BAG4: variants seen among roughly 807,000 people sequenced by gnomAD.
The protein encoded by BAG4 is BAG cochaperone 4.
In BAG4, 28 loss-of-function variants were observed where a neutral mutation model predicts 52.1. The observed-to-expected ratio is 0.54, with a 90% CI of 0.40 to 0.74. BAG4 has a LOEUF of 0.74. Among genes scored for constraint, BAG4 ranks in the 30% least tolerant of loss-of-function variants. BAG4 has a pLI of 0.00. For synonymous variants in BAG4, 208 were observed against 217.0 expected (o/e 0.96, Z 0.37); for missense variants, 525 against 572.0 (o/e 0.92, Z 0.84).
rs756015823 is a variant in BAG4, at chr8:38,210,208, C to T, written c.1089C>T (p.Ser363=). 1.9e-6 allele frequency: 3 copies of T among 1,614,100 alleles called. No individual in the cohort carries two copies. Among genetic ancestry groups the T allele is most frequent in the Admixed American group, 3.3e-5 (2 of 59,996 alleles). The change falls in exon 5 of 5, where the codon AGC becomes AGT. Residue 363 remains serine (S), a synonymous_variant. Coordinates refer to ENST00000287322, the MANE Select transcript of BAG4 (RefSeq NM_004874.4). The part of the protein sequence containing the change: ...SDHPNNQDQS[S]SLPEECVPSD... ...ATCCCAACAATCAAGATCAAAGTAG[C>T]AGTCTTCCTGAAGAATGTGTACCTT...
At chr8:38,177,535 T>G (rs1803185143) in intron 1 of BAG4, among the ~76,000 whole-genome samples, 2 of 152,110 alleles carry the variant, frequency 1.3e-5, no homozygotes, top group South Asian at 4.1e-4. Context: ...CAGCCCCCGA[T>G]GCCGCTCAGG....
intron 2 of BAG4, chr8:38,203,039 T>G (rs749290926): frequency 3.9e-5 from 6 of 152,134 alleles, no homozygotes; most frequent in Non-Finnish European, 8.8e-5. Context: ...TGAATCTGTT[T>G]GGAAATAAAC....
At chr8:38,180,479 T>A (rs1450658669) in intron 1 of BAG4, among the ~76,000 whole-genome samples, 1 of 125,592 alleles carries the variant, frequency 8.0e-6, no homozygotes, top group Non-Finnish European at 1.6e-5. Flanking sequence ...GCCGAGATCA[T>A]GCCACTGCAC....
chr8:38,206,221 G>A (rs532869516), intron 2 of BAG4, among the ~76,000 whole-genome samples: 1 of 150,458 alleles, frequency 6.6e-6, no homozygotes, highest in East Asian at 2.0e-4. Context: ...GTTGCAGTGA[G>A]CCAAGATCTT....
intron 4 of BAG4, chr8:38,209,637 A>G (rs1300623609): frequency 1.1e-5 from 4 of 359,388 alleles, no homozygotes; most frequent in Non-Finnish European, 2.0e-5. Context: ...AGACTTGAAC[A>G]TTATCACTTG....
chr8:38,186,534 C>G (rs1389223395), intron 1 of BAG4, among the ~76,000 whole-genome samples: 1 of 152,162 alleles, frequency 6.6e-6, no homozygotes, highest in African/African-American at 2.4e-5. Context: ...GTTAGATTCA[C>G]TGGAGATGCA....
At chr8:38,192,565 C>A in intron 1 of BAG4, 123 bp from the exon 2 acceptor site, 1 of 731,464 alleles carries the variant, frequency 1.4e-6, no homozygotes, top group Non-Finnish European at 2.1e-6. Flanking sequence ...TGCCACTGTG[C>A]CCAGCTTATT....
At chr8:38,182,909 G>C (rs1803295371) in intron 1 of BAG4, among the ~76,000 whole-genome samples, 1 of 150,998 alleles carries the variant, frequency 6.6e-6, no homozygotes, top group African/African-American at 2.4e-5. Context: ...AAAAAATTAT[G>C]GCATAATTTA....
chr8:38,182,165 G>T (rs1303281807), intron 1 of BAG4, among the ~76,000 whole-genome samples: 1 of 152,184 alleles, frequency 6.6e-6, no homozygotes, highest in Admixed American at 6.5e-5. Context: ...AGATCCAAAT[G>T]AGTTTGAAAA....
At chr8:38,205,263 T>C (rs1332103436) in intron 2 of BAG4, among the ~76,000 whole-genome samples, 1 of 133,854 alleles carries the variant, frequency 7.5e-6, no homozygotes, top group East Asian at 2.4e-4. Flanking sequence ...TTGCACAGGC[T>C]GTTCTCAGAC....
intron 1 of BAG4, among the ~76,000 whole-genome samples, chr8:38,191,350 A>G (rs938286994): frequency 6.6e-6 from 1 of 152,236 alleles, no homozygotes; most frequent in African/African-American, 2.4e-5. Context: ...ATGGATAAGT[A>G]GTGCAGTTAA....
intron 1 of BAG4, among the ~76,000 whole-genome samples, chr8:38,179,563 C>T (rs1161499211): frequency 2.0e-5 from 3 of 151,166 alleles, no homozygotes; most frequent in East Asian, 4.0e-4. Flanking sequence ...GTCAGGAGTT[C>T]GAGACCAGCC....
chr8:38,188,759 T>C (rs531909813), intron 1 of BAG4, among the ~76,000 whole-genome samples: 1 of 151,244 alleles, frequency 6.6e-6, no homozygotes, highest in Admixed American at 6.6e-5. Context: ...CTGGAGTGGC[T>C]ACTTTAATAT....
chr8:38,207,116 T>A lies in BAG4; in HGVS notation c.379-396T>A, dbSNP rs1418066678. Among the ~76,000 whole-genome samples, 3 of 151,222 alleles carry A rather than the reference T, an allele frequency of 2.0e-5. No individual in the cohort carries two copies. The East Asian group carries it at 5.9e-4, about 30-fold the overall frequency. On this transcript the variant is annotated intron_variant, in intron 2 of 4. Transcript: ENST00000287322. ...TACAGGCGCCTGCCACCATGCCCGG[T>A]TAATTTTTGTATTTTTAGTAGAGAT...
At chr8:38,198,396 A>AC (rs994624697) in intron 2 of BAG4, among the ~76,000 whole-genome samples, 1 of 150,836 alleles carries the variant, frequency 6.6e-6, no homozygotes, top group Admixed American at 6.6e-5. Context: ...AAAAAAAAAA[A>AC]AAAAGTTTTC....
intron 1 of BAG4, among the ~76,000 whole-genome samples, chr8:38,187,716 C>T (rs35490275): frequency 6.6e-6 from 1 of 151,964 alleles, no homozygotes; most frequent in Non-Finnish European, 1.5e-5. Flanking sequence ...GAAGCTGATT[C>T]TGATGAGAAG....
chr8:38,190,909 C>T (rs1803463618), intron 1 of BAG4, among the ~76,000 whole-genome samples: 4 of 151,930 alleles, frequency 2.6e-5, no homozygotes. Context: ...AGGCACCCAC[C>T]ACCACACCCA....
At chr8:38,180,864 T>C (rs1435297844) in intron 1 of BAG4, among the ~76,000 whole-genome samples, 1 of 152,148 alleles carries the variant, frequency 6.6e-6, no homozygotes, top group Non-Finnish European at 1.5e-5. Context: ...ATTTAGATGA[T>C]GTACTGAACT....
At chr8:38,180,548 A>AAAAAAAAAAAAAAAT in intron 1 of BAG4, among the ~76,000 whole-genome samples, 1 of 150,436 alleles carries the variant, frequency 6.6e-6, no homozygotes, top group South Asian at 2.1e-4. Context: ...AAAAAAAAAA[A>AAAAAAAAAAAAAAAT]GATATGCATG....
Sources: gnomAD v4.1 joint callset for allele counts (sites outside exome capture counted in the v4.1 genomes callset) on GRCh38, gnomAD v4.1.1 for gene constraint, MANE v1.5 for transcripts, NCBI Gene and HGNC (gene_info 2026-07-23, HGNC 2026-07-21) for gene names.